The following XIRP2 variants were observed in gnomAD, a reference collection of about 807,000 sequenced individuals.
XIRP2 encodes the protein xin actin-binding repeat-containing protein 2.
In XIRP2, 236 loss-of-function variants were observed where a neutral mutation model predicts 277.0. The observed-to-expected ratio is 0.85, with a 90% CI of 0.77 to 0.95. The LOEUF (loss-of-function observed/expected upper bound fraction) is 0.95, where lower values mean the gene tolerates loss of function less well. Among genes scored for constraint, XIRP2 ranks in the 40% least tolerant of loss-of-function variants. The pLI is 0.00. For synonymous variants in XIRP2, 1,490 were observed against 1,416.5 expected (o/e 1.05, Z -1.17); for missense variants, 4,640 against 4,157.5 (o/e 1.12, Z -3.19).
At chr2:167,055,224 G>C (rs907579057) in intron 2 of XIRP2, among the ~76,000 whole-genome samples, 2 of 152,124 alleles carry the variant, frequency 1.3e-5, no homozygotes, top group Admixed American at 1.3e-4. Context: ...AAGAAAAAAG[G>C]CTCTGTGTCC....
chr2:166,979,900 AT>A (rs34066434), intron 2 of XIRP2, among the ~76,000 whole-genome samples: 1 of 151,826 alleles, frequency 6.6e-6, no homozygotes, highest in African/African-American at 2.4e-5. Flanking sequence ...TGAATTAGGA[AT>A]TTTTTCTTTC....
At chr2:167,172,178 G>T (rs1447463351) in intron 3 of XIRP2, among the ~76,000 whole-genome samples, 2 of 152,042 alleles carry the variant, frequency 1.3e-5, no homozygotes, top group African/African-American at 2.4e-5. Flanking sequence ...ATGTCGGCAG[G>T]TTCCGTGATG....
rs374260845 is a variant in XIRP2 at position 167,251,543 on chromosome 2, C to T, written c.10151C>T (p.Thr3384Met). The change falls in exon 9 of 11, where the codon ACG becomes ATG. Residue 3384 changes from threonine (T) to methionine (M), a missense_variant. Thr to Met is a moderately conservative substitution (Grantham distance 81, BLOSUM62 -1). Coordinates refer to ENST00000409195, the MANE Select transcript of XIRP2 (RefSeq NM_152381.6). ...EEFGLTSLGN[T>M]SFTDFSCKHP... ...TTTGGATTAACATCTTTAGGAAACA[C>T]GAGTTTTACAGACTTTTCTTGCAAA... 5.0e-6 allele frequency: 8 copies of T among 1,613,344 alleles called. No homozygotes were observed. Among genetic ancestry groups the T allele is most frequent in the African/African-American group, 2.7e-5 (2 of 74,844 alleles).
At chr2:166,920,565 A>T (rs114720728) in intron 2 of XIRP2, among the ~76,000 whole-genome samples, 1 of 152,188 alleles carries the variant, frequency 6.6e-6, no homozygotes, top group South Asian at 2.1e-4. Context: ...TGCTTCTCAT[A>T]GTCAGTGCCA....
intron 2 of XIRP2, among the ~76,000 whole-genome samples, chr2:167,037,553 G>GTGTGTA (rs1201344659): frequency 2.8e-4 from 42 of 151,214 alleles, no homozygotes; most frequent in Admixed American, 2.0e-4. Flanking sequence ...GTGTGTGTGT[G>GTGTGTA]TGTGTTTTAA....
chr2:167,037,738 C>T (rs114053141), intron 2 of XIRP2, among the ~76,000 whole-genome samples: 3,711 of 151,806 alleles, frequency 0.024, 114 homozygotes, highest in East Asian at 0.074. Context: ...CACAGGAAAA[C>T]ATTAAAAACA....
chr2:166,956,564 A>G (rs988900752), intron 2 of XIRP2, among the ~76,000 whole-genome samples: 1 of 151,842 alleles, frequency 6.6e-6, no homozygotes, highest in Non-Finnish European at 1.5e-5. Flanking sequence ...TGAGAAAGAT[A>G]GTGGTTTAAA....
intron 2 of XIRP2, among the ~76,000 whole-genome samples, chr2:166,938,355 C>G (rs1468059831): frequency 6.6e-6 from 1 of 152,126 alleles, no homozygotes; most frequent in African/African-American, 2.4e-5. Context: ...GTTATGTACC[C>G]AGTAGTCATT....
At chr2:167,081,511 A>T (rs1689734572) in intron 2 of XIRP2, among the ~76,000 whole-genome samples, 1 of 152,170 alleles carries the variant, frequency 6.6e-6, no homozygotes, top group Admixed American at 6.6e-5. Flanking sequence ...TACATATTAC[A>T]TGATTACTTT....
intron 3 of XIRP2, among the ~76,000 whole-genome samples, chr2:167,172,253 A>T (rs1014422039): frequency 8.5e-5 from 13 of 152,212 alleles, no homozygotes; most frequent in African/African-American, 3.1e-4. Context: ...GAGCGTACAA[A>T]TAGGGTGTGG....
At chr2:167,152,752 G>A (rs934603285) in intron 3 of XIRP2, among the ~76,000 whole-genome samples, 8 of 151,940 alleles carry the variant, frequency 5.3e-5, no homozygotes, top group Admixed American at 5.3e-4. Context: ...TTATAATAAG[G>A]GAACAGAAGC....
chr2:167,059,578 G>C (rs1414385129), intron 2 of XIRP2, among the ~76,000 whole-genome samples: 1 of 152,116 alleles, frequency 6.6e-6, no homozygotes, highest in Non-Finnish European at 1.5e-5. Context: ...AAATCAAATA[G>C]TATTAGCAAA....
chr2:167,246,460 A>G lies in XIRP2; in HGVS notation c.5068A>G (p.Thr1690Ala). 1 of 1,613,728 alleles carries G rather than the reference A, an allele frequency of 6.2e-7. No individual in the cohort carries two copies. Among genetic ancestry groups the G allele is most frequent in the Non-Finnish European group, 8.5e-7 (1 of 1,179,806 alleles). The stretch of plus-strand genomic sequence containing the variant: ...AGATGAAAAAGGAGATATTAACATG[A>G]CTATCTATTGTCTTCTTCATGAAAA... ...QEDEKGDINM[T>A]IYCLLHENDG... Residue 1690 changes from threonine (T) to alanine (A), a missense_variant, in exon 9 of 11, where the codon ACT (threonine) becomes GCT (alanine). Transcript: ENST00000409195.
intron 1 of XIRP2, among the ~76,000 whole-genome samples, chr2:166,890,726 A>G (rs1258788223): frequency 2.0e-5 from 3 of 152,132 alleles, no homozygotes; most frequent in African/African-American, 7.2e-5. Context: ...AATAACAGGT[A>G]TTGTCTGGTA....
At chr2:167,176,430 G>A (rs766901011) in intron 3 of XIRP2, among the ~76,000 whole-genome samples, 2 of 152,244 alleles carry the variant, frequency 1.3e-5, no homozygotes, top group African/African-American at 4.8e-5. Flanking sequence ...GCTGCAGACC[G>A]GAGCTGTTCC....
intron 5 of XIRP2, among the ~76,000 whole-genome samples, chr2:167,238,459 C>CTA (rs1464920192): frequency 2.0e-5 from 3 of 152,062 alleles, no homozygotes; most frequent in Non-Finnish European, 4.4e-5. Context: ...TATAACATCT[C>CTA]TAACTACATG....
At chr2:167,071,831 C>T (rs1457519284) in intron 2 of XIRP2, among the ~76,000 whole-genome samples, 1 of 152,094 alleles carries the variant, frequency 6.6e-6, no homozygotes, top group Non-Finnish European at 1.5e-5. Flanking sequence ...AGTGGTGGCT[C>T]TCATGAGAAG....
At chr2:167,010,009 G>A (rs538192044) in intron 2 of XIRP2, among the ~76,000 whole-genome samples, 10 of 152,066 alleles carry the variant, frequency 6.6e-5, no homozygotes, top group Non-Finnish European at 8.8e-5. Flanking sequence ...CTCCCATTTT[G>A]TAGGTTGCCT....
chr2:166,924,417 T>C (rs1019588033), intron 2 of XIRP2, among the ~76,000 whole-genome samples: 1 of 152,220 alleles, frequency 6.6e-6, no homozygotes, highest in Non-Finnish European at 1.5e-5. Context: ...ACCAAGGACA[T>C]GGATCAGCTT....
Sources: gnomAD v4.1 joint callset for allele counts (sites outside exome capture counted in the v4.1 genomes callset) on GRCh38, gnomAD v4.1.1 for gene constraint, MANE v1.5 for transcripts, NCBI Gene and HGNC (gene_info 2026-07-23, HGNC 2026-07-21) for gene names.